The following CDH9 variants were observed in gnomAD, a reference collection of about 807,000 sequenced individuals.
The protein encoded by CDH9 is cadherin-9.
In CDH9, 28 loss-of-function variants were observed where a neutral mutation model predicts 70.9. The ratio of observed to expected loss-of-function variants is 0.40; its 90% CI spans 0.29 to 0.54. The LOEUF (loss-of-function observed/expected upper bound fraction) is 0.54. CDH9 is among the 20% of genes least tolerant of loss of function. The probability of loss-of-function intolerance (pLI) is 0.59; values close to 1 mark genes in which losing one functional copy is unlikely to be tolerated. For missense variants in CDH9, 874 were observed against 984.4 expected (o/e 0.89, Z 1.50); for synonymous variants, 409 against 343.1 (o/e 1.19, Z -2.12).
At position 26,984,086 on chromosome 5, in the gene CDH9, G is replaced by A. The variant is rs553256613; in HGVS notation, c.228+4020C>T. Among the ~76,000 whole-genome samples the A allele has an allele frequency of 1.1e-4, 17 of 152,072 alleles. No homozygotes were observed. The South Asian group carries it at 3.5e-3, about 32-fold the overall frequency. ...CAGATAAACCAATTGTAACCATGAA[G>A]GCAGAGCTCAATCAATGTTAAAATC... On this transcript the variant is annotated intron_variant, in intron 2 of 11. Transcript: ENST00000231021.
intron 2 of CDH9, among the ~76,000 whole-genome samples, chr5:26,962,185 A>G (rs35521431): frequency 0.075 from 11,395 of 152,130 alleles, 489 homozygotes; most frequent in Middle Eastern, 0.18. Context: ...ATAGTATTCC[A>G]TGGTGTATAT....
At chr5:26,959,722 G>C (rs1022735127) in intron 2 of CDH9, among the ~76,000 whole-genome samples, 2 of 151,946 alleles carry the variant, frequency 1.3e-5, no homozygotes, top group South Asian at 2.1e-4. Flanking sequence ...CCTCAAAAAC[G>C]TTTTGCTAAG....
chr5:26,987,890 G>A (rs1024965795), intron 2 of CDH9, among the ~76,000 whole-genome samples: 2 of 151,996 alleles, frequency 1.3e-5, no homozygotes, highest in African/African-American at 4.8e-5. Flanking sequence ...ATCCACATAT[G>A]ACTTAGTAGT....
chr5:26,938,899 G>T (rs983956088), intron 2 of CDH9, among the ~76,000 whole-genome samples: 13 of 152,018 alleles, frequency 8.6e-5, no homozygotes, highest in African/African-American at 2.4e-4. Flanking sequence ...GAACAGAAAA[G>T]ATTTATAAGA....
intron 7 of CDH9, among the ~76,000 whole-genome samples, chr5:26,897,174 T>A (rs1349110317): frequency 6.6e-6 from 1 of 151,976 alleles, no homozygotes; most frequent in Non-Finnish European, 1.5e-5. Context: ...CAGGCAGTAA[T>A]TAATAACCTA....
intron 7 of CDH9, among the ~76,000 whole-genome samples, chr5:26,897,296 G>A (rs1740769621): frequency 6.6e-6 from 1 of 152,030 alleles, no homozygotes; most frequent in Non-Finnish European, 1.5e-5. Flanking sequence ...TAGAAAAAGA[G>A]GGACTCTCCC....
At chr5:26,978,150 A>T (rs1189539731) in intron 2 of CDH9, among the ~76,000 whole-genome samples, 2 of 145,770 alleles carry the variant, frequency 1.4e-5, no homozygotes, top group Non-Finnish European at 3.0e-5. Flanking sequence ...TCTAGAGAGT[A>T]AAAAAACAGA....
chr5:26,883,492 C>T (rs558031502), intron 11 of CDH9, among the ~76,000 whole-genome samples: 2 of 151,884 alleles, frequency 1.3e-5, no homozygotes, highest in East Asian at 3.9e-4. Context: ...TATTTCCATC[C>T]ATCTGTAACT....
At chr5:27,004,830 T>C (rs1742832519) in intron 1 of CDH9, among the ~76,000 whole-genome samples, 3 of 152,146 alleles carry the variant, frequency 2.0e-5, no homozygotes, top group South Asian at 4.1e-4. Flanking sequence ...AAACATGCAT[T>C]TGGATAATGG....
chr5:27,025,695 TCA>T (rs1743209279), intron 1 of CDH9, among the ~76,000 whole-genome samples: 1 of 151,922 alleles, frequency 6.6e-6, no homozygotes, highest in Admixed American at 6.6e-5. Flanking sequence ...AGATAAAAAA[TCA>T]CACAGATAGG....
chr5:27,031,868 C>T (rs1046227107), intron 1 of CDH9, among the ~76,000 whole-genome samples: 9 of 151,954 alleles, frequency 5.9e-5, no homozygotes, highest in Non-Finnish European at 1.0e-4. Context: ...TGCTTATGAA[C>T]TCCCAGTAGC....
intron 2 of CDH9, among the ~76,000 whole-genome samples, chr5:26,924,418 A>T (rs2112015926): frequency 6.6e-6 from 1 of 151,830 alleles, no homozygotes; most frequent in South Asian, 2.1e-4. Context: ...GTGTTCCAAC[A>T]AAGAAAAGCC....
chr5:26,957,560 G>A (rs1413716376), intron 2 of CDH9, among the ~76,000 whole-genome samples: 1 of 152,058 alleles, frequency 6.6e-6, no homozygotes, highest in Non-Finnish European at 1.5e-5. Flanking sequence ...TACTCAGGAG[G>A]CTGAGGAAGG....
intron 1 of CDH9, among the ~76,000 whole-genome samples, chr5:27,006,349 C>CTGTAT (rs1296957622): frequency 3.3e-5 from 5 of 152,012 alleles, no homozygotes; most frequent in African/African-American, 1.2e-4. Context: ...AAACTCAGAA[C>CTGTAT]TGTATACCTG....
intron 1 of CDH9, among the ~76,000 whole-genome samples, chr5:27,002,501 C>G (rs1742788373): frequency 6.6e-6 from 1 of 152,068 alleles, no homozygotes; most frequent in South Asian, 2.1e-4. Flanking sequence ...TTCACAATAG[C>G]AAAGACTTGG....
intron 2 of CDH9, among the ~76,000 whole-genome samples, chr5:26,943,821 A>G (rs976762842): frequency 2.0e-5 from 3 of 152,226 alleles, no homozygotes; most frequent in Non-Finnish European, 2.9e-5. Flanking sequence ...CAATTAAGTA[A>G]TGCTAATTAC....
chr5:26,944,736 T>C (rs1741719466), intron 2 of CDH9, among the ~76,000 whole-genome samples: 2 of 146,746 alleles, frequency 1.4e-5, no homozygotes, highest in South Asian at 4.4e-4. Context: ...ACTTGCATAT[T>C]CAAATATATC....
At chr5:26,986,549 T>C (rs1245556781) in intron 2 of CDH9, among the ~76,000 whole-genome samples, 1 of 152,094 alleles carries the variant, frequency 6.6e-6, no homozygotes, top group Non-Finnish European at 1.5e-5. Flanking sequence ...GTTTTCAGCT[T>C]AAAATAAATG....
intron 2 of CDH9, among the ~76,000 whole-genome samples, chr5:26,974,248 T>A: frequency 6.6e-6 from 1 of 151,696 alleles, no homozygotes; most frequent in Non-Finnish European, 1.5e-5. Context: ...TCTAAAAAAA[T>A]AATAGAAAAG....
Sources: allele counts gnomAD v4.1 joint callset (sites outside exome capture counted in the v4.1 genomes callset), GRCh38; gene constraint gnomAD v4.1.1; transcripts MANE v1.5; gene names NCBI Gene and HGNC (gene_info 2026-07-23, HGNC 2026-07-21).